CCSER1: variants seen among roughly 807,000 people sequenced by gnomAD.
CCSER1 encodes the protein serine-rich coiled-coil domain-containing protein 1.
Under a neutral mutation model 82.0 loss-of-function variants are expected in CCSER1, and 41 were observed. That is an observed-to-expected ratio of 0.50 (90% confidence interval 0.39 to 0.65). The LOEUF is 0.65. Ranked by LOEUF, CCSER1 falls within the 30% of genes least tolerant of loss-of-function variation. CCSER1 has a pLI of 0.00. For synonymous variants in CCSER1, 414 were observed against 383.9 expected (o/e 1.08, Z -0.92); for missense variants, 1,119 against 1,064.2 (o/e 1.05, Z -0.72).
intron 10 of CCSER1, among the ~76,000 whole-genome samples, chr4:91,520,796 G>T (rs1003381067): frequency 1.3e-5 from 2 of 152,016 alleles, no homozygotes; most frequent in Non-Finnish European, 2.9e-5. Context: ...CCTGTTATTT[G>T]TAAGAGTCCT....
chr4:90,985,930 A>G (rs1736545230), intron 9 of CCSER1, among the ~76,000 whole-genome samples: 2 of 151,886 alleles, frequency 1.3e-5, no homozygotes, highest in South Asian at 4.1e-4. Flanking sequence ...TTTGTTTTTT[A>G]TTCAGTAACT....
At position 90,291,958 on chromosome 4, in the gene CCSER1, C is replaced by G. The variant is rs576242380; in HGVS notation, c.-41-16286C>G. The stretch of plus-strand genomic sequence containing the variant: ...AGACATACTTCCTTGGTTCTAAAAC[C>G]TATATCCCTGTTCTAACTCATGAAT... On this transcript the variant is annotated intron_variant, in intron 1 of 10. Coordinates refer to ENST00000509176, the MANE Select transcript of CCSER1 (RefSeq NM_001145065.2). Among the ~76,000 whole-genome samples, 26 of 151,872 alleles carry G rather than the reference C, an allele frequency of 1.7e-4. No homozygotes were observed. In the East Asian group the frequency reaches 4.9e-3, roughly 28 times the overall value.
At chr4:90,698,614 A>G (rs1325709154) in intron 6 of CCSER1, among the ~76,000 whole-genome samples, 1 of 152,182 alleles carries the variant, frequency 6.6e-6, no homozygotes, top group African/African-American at 2.4e-5. Flanking sequence ...ACTATGGTCA[A>G]TTTTAAACTA....
At chr4:90,631,584 T>A (rs888237632) in intron 6 of CCSER1, among the ~76,000 whole-genome samples, 2 of 152,216 alleles carry the variant, frequency 1.3e-5, no homozygotes, top group Non-Finnish European at 2.9e-5. Context: ...GACTAGCGGC[T>A]AGAAGGATGC....
intron 5 of CCSER1, among the ~76,000 whole-genome samples, chr4:90,478,091 A>G (rs760889536): frequency 7.2e-5 from 11 of 152,220 alleles, no homozygotes; most frequent in Non-Finnish European, 1.3e-4. Flanking sequence ...CAACACAGTG[A>G]AATTCTAATG....
chr4:90,817,951 A>G (rs1178586924), intron 8 of CCSER1, among the ~76,000 whole-genome samples: 2 of 152,158 alleles, frequency 1.3e-5, no homozygotes, highest in Non-Finnish European at 2.9e-5. Flanking sequence ...AATTTTAGAA[A>G]CCAGTTGAGT....
At chr4:90,479,285 T>C (rs967809795) in intron 5 of CCSER1, among the ~76,000 whole-genome samples, 1 of 152,198 alleles carries the variant, frequency 6.6e-6, no homozygotes, top group African/African-American at 2.4e-5. Context: ...TTTATGTGTA[T>C]GTTTTTCTCT....
chr4:90,550,005 C>G (rs1204950816), intron 5 of CCSER1, among the ~76,000 whole-genome samples: 1 of 150,806 alleles, frequency 6.6e-6, no homozygotes, highest in East Asian at 1.9e-4. Context: ...ATTGTGGTGA[C>G]AAGAACAAAA....
At chr4:90,703,142 T>C (rs1235955404) in intron 6 of CCSER1, among the ~76,000 whole-genome samples, 2 of 152,186 alleles carry the variant, frequency 1.3e-5, no homozygotes, top group African/African-American at 2.4e-5. Context: ...ACACAGCTTT[T>C]AGTGTGTCCC....
chr4:91,098,026 T>G (rs1724678887), intron 10 of CCSER1, among the ~76,000 whole-genome samples: 1 of 152,154 alleles, frequency 6.6e-6, no homozygotes, highest in Non-Finnish European at 1.5e-5. Flanking sequence ...GAAACATAAT[T>G]AGAGACAGTT....
chr4:90,308,305 A>G lies in CCSER1; in HGVS notation c.21A>G (p.Arg7=). The G allele has an allele frequency of 6.3e-7, 1 of 1,588,828 alleles. No individual in the cohort carries two copies. The highest frequency in any genetic ancestry group is 8.6e-7 in the Non-Finnish European group (1 of 1,167,114). Residue 7 remains arginine, a synonymous_variant, in exon 2 of 11, where the codon AGA becomes AGG. Coordinates refer to ENST00000509176, the MANE Select transcript of CCSER1 (RefSeq NM_001145065.2). The stretch of plus-strand genomic sequence containing the variant: ...TCCCAATGGGGGACTCAGGATCAAG[A>G]CGATCTACCCTGGTCTCCCGGTTGC... MGDSGS[R]RSTLVSRLPI...
At chr4:91,281,966 G>C (rs1023198005) in intron 10 of CCSER1, among the ~76,000 whole-genome samples, 6 of 152,038 alleles carry the variant, frequency 3.9e-5, no homozygotes, top group Admixed American at 2.0e-4. Context: ...TTTAATAATA[G>C]AGCTTTTAAA....
At chr4:90,414,563 T>C (rs1000812766) in intron 4 of CCSER1, among the ~76,000 whole-genome samples, 13 of 152,118 alleles carry the variant, frequency 8.5e-5, no homozygotes, top group Admixed American at 2.6e-4. Flanking sequence ...AACTAAAAAG[T>C]ATATTAGTGA....
At chr4:91,204,313 T>C (rs1031491823) in intron 10 of CCSER1, among the ~76,000 whole-genome samples, 6 of 151,830 alleles carry the variant, frequency 4.0e-5, no homozygotes, top group African/African-American at 1.4e-4. Context: ...CAGAGACCTT[T>C]TGGCTGACTT....
At chr4:91,417,610 A>G (rs759929846) in intron 10 of CCSER1, among the ~76,000 whole-genome samples, 1 of 152,088 alleles carries the variant, frequency 6.6e-6, no homozygotes, top group Non-Finnish European at 1.5e-5. Flanking sequence ...CAAACACTGC[A>G]TGTTTTTACT....
intron 8 of CCSER1, among the ~76,000 whole-genome samples, chr4:90,912,217 G>A (rs564372550): frequency 1.3e-5 from 2 of 152,286 alleles, no homozygotes; most frequent in African/African-American, 2.4e-5. Context: ...AGCCTAACTG[G>A]GAGGCTAATT....
intron 5 of CCSER1, among the ~76,000 whole-genome samples, chr4:90,564,678 A>ATTCAT (rs1285651518): frequency 8.3e-6 from 1 of 120,018 alleles, no homozygotes; most frequent in East Asian, 2.6e-4. Context: ...TAAATATTTA[A>ATTCAT]TTCATTTTGT....
At chr4:91,208,013 C>G (rs954670519) in intron 10 of CCSER1, among the ~76,000 whole-genome samples, 1 of 151,726 alleles carries the variant, frequency 6.6e-6, no homozygotes, top group Admixed American at 6.6e-5. Flanking sequence ...GCTTGTTGAC[C>G]ACATGTATGT....
intron 10 of CCSER1, among the ~76,000 whole-genome samples, chr4:91,367,646 A>G (rs189945142): frequency 3.0e-4 from 46 of 151,862 alleles, no homozygotes; most frequent in African/African-American, 1.0e-3. Flanking sequence ...CATCATGTCC[A>G]CTCTCTACAC....
Sources: allele counts gnomAD v4.1 joint callset (sites outside exome capture counted in the v4.1 genomes callset), GRCh38; gene constraint gnomAD v4.1.1; transcripts MANE v1.5; gene names NCBI Gene and HGNC (gene_info 2026-07-23, HGNC 2026-07-21).